CMYA5: variants seen among roughly 807,000 people sequenced by gnomAD.
The protein encoded by CMYA5 is cardiomyopathy-associated protein 5.
In CMYA5, 246 loss-of-function variants were observed where a neutral mutation model predicts 318.9. That is an observed-to-expected ratio of 0.77 (90% CI 0.70 to 0.86). CMYA5 has a LOEUF of 0.86. CMYA5 is among the 40% of genes least tolerant of loss of function. The pLI is 0.00. For synonymous variants in CMYA5, 1,641 were observed against 1,729.5 expected (o/e 0.95, Z 1.27); for missense variants, 4,589 against 4,678.2 (o/e 0.98, Z 0.56).
At chr5:79,716,841 AT>A (rs1190385006) in intron 1 of CMYA5, among the ~76,000 whole-genome samples, 1 of 152,232 alleles carries the variant, frequency 6.6e-6, no homozygotes, top group African/African-American at 2.4e-5. Context: ...ATTTCAGATG[AT>A]TAAAATAAGG....
rs1320085393 is a variant in CMYA5, at chr5:79,732,249, G to A, written c.3484G>A (p.Glu1162Lys). Residue 1162 changes from glutamate to lysine, a missense_variant, in exon 2 of 13, where the codon GAA becomes AAA. Transcript: ENST00000446378. ...ALPAQSSIVK[E>K]ETKPASPHSV... ...ACCTGCACAATCATCTATAGTAAAG[G>A]AAGAAACCAAACCTGCATCTCCACA... is the stretch of plus-strand genomic sequence containing the variant. 1.2e-6 allele frequency: 2 copies of A among 1,613,884 alleles called. No individual in the cohort carries two copies. Among genetic ancestry groups the A allele is most frequent in the Non-Finnish European group, 1.7e-6 (2 of 1,179,868 alleles).
Position 79,749,123 on chromosome 5 carries a change from T to A in CMYA5, c.10991+2010T>A, listed in dbSNP as rs1482686892. Among the ~76,000 whole-genome samples, 4 of 152,270 alleles carry A rather than the reference T, an allele frequency of 2.6e-5. No homozygotes were observed. The East Asian group carries it at 7.7e-4, about 29-fold the overall frequency. On this transcript the variant is annotated intron_variant, in intron 5 of 12. Transcript: ENST00000446378. The stretch of plus-strand genomic sequence containing the variant: ...TCTGTGTGTCATTTTAATTAATTTC[T>A]ATTTCATTGTCCAGTTGACAGTGAA...
At chr5:79,753,932 CT>C (rs1450490100) in intron 6 of CMYA5, among the ~76,000 whole-genome samples, 4 of 152,162 alleles carry the variant, frequency 2.6e-5, no homozygotes, top group Non-Finnish European at 5.9e-5. Context: ...TGGTCTTTTG[CT>C]TTTAAGGGAT....
chr5:79,767,398 G>A (rs1367487571), intron 9 of CMYA5, among the ~76,000 whole-genome samples: 2 of 152,094 alleles, frequency 1.3e-5, no homozygotes, highest in Non-Finnish European at 2.9e-5. Flanking sequence ...TGATGTTAGG[G>A]TGTCAATTTT....
chr5:79,739,384 C>G lies in CMYA5; in HGVS notation c.10619C>G (p.Thr3540Arg). The change falls in exon 2 of 13, where the codon ACA (threonine) becomes AGA (arginine). Residue 3540 changes from threonine (T) to arginine (R), a missense_variant. Thr to Arg is a moderately conservative substitution (Grantham distance 71). Coordinates refer to ENST00000446378, the MANE Select transcript of CMYA5 (RefSeq NM_153610.5). The stretch of plus-strand genomic sequence containing the variant: ...GACCATGAAGTTTCAACGCTTGACA[C>G]AGCTATAAGTGCTGTAAAGGTAAAT... ...HKDHEVSTLDTAISAVKVQLA... is the reference protein window; with the variant it reads ...HKDHEVSTLDRAISAVKVQLA... 1.3e-6 allele frequency: 2 copies of G among 1,545,664 alleles called. No individual in the cohort carries two copies. The highest frequency in any genetic ancestry group is 1.2e-5 in the South Asian group (1 of 82,618).
intron 2 of CMYA5, 43 bp downstream of exon 2, chr5:79,739,446 C>T (rs1376713379): frequency 3.9e-6 from 5 of 1,285,062 alleles, no homozygotes; most frequent in Non-Finnish European, 5.1e-6. Flanking sequence ...TATATATATA[C>T]ACATTTAATT....
intron 9 of CMYA5, among the ~76,000 whole-genome samples, chr5:79,765,229 C>T (rs1405117506): frequency 1.3e-5 from 2 of 152,122 alleles, no homozygotes; most frequent in African/African-American, 4.8e-5. Context: ...TTTCCAACAC[C>T]ATTTATTCAA....
intron 12 of CMYA5, 25 bp downstream of exon 12, chr5:79,793,635 C>T (rs1413259967): frequency 1.9e-6 from 3 of 1,575,966 alleles, no homozygotes; most frequent in African/African-American, 1.3e-5. Flanking sequence ...CCCCTCCCCT[C>T]TTCATCAAAA....
In CMYA5 at chr5:79,745,407, G is replaced by A. The variant is rs1204673745; in HGVS notation, c.10920G>A (p.Glu3640=). 2 of 1,613,994 alleles carry A rather than the reference G, an allele frequency of 1.2e-6. No individual in the cohort carries two copies. The highest frequency in any genetic ancestry group is 8.5e-7 in the Non-Finnish European group (1 of 1,179,874). Residue 3640 remains glutamate, a synonymous_variant, in exon 4 of 13, where the codon GAG becomes GAA. Transcript: ENST00000446378. The part of the protein sequence containing the change: ...QSMDTAKDTL[E]TIVREAEELD... ...TGGACACTGCCAAAGACACCCTGGA[G>A]ACCATCGTGAGAGAAGCAGAGGAGC... is the stretch of plus-strand genomic sequence containing the variant.
chr5:79,762,128 T>C, intron 8 of CMYA5, 171 bp downstream of exon 8: 1 of 637,004 alleles, frequency 1.6e-6, no homozygotes, highest in Non-Finnish European at 2.5e-6. Context: ...AAGAAGCTCA[T>C]GCTCAGGTGG....
intron 1 of CMYA5, among the ~76,000 whole-genome samples, chr5:79,703,766 T>C (rs1280274479): frequency 5.3e-5 from 8 of 152,204 alleles, no homozygotes; most frequent in Non-Finnish European, 1.2e-4. Context: ...TTTTGATCTT[T>C]TCTTGAAAAT....
chr5:79,769,494 C>G (rs1828816668), intron 9 of CMYA5, among the ~76,000 whole-genome samples: 1 of 152,022 alleles, frequency 6.6e-6, no homozygotes, highest in Non-Finnish European at 1.5e-5. Flanking sequence ...TGTGGACGTC[C>G]TTTTTGTTGA....
Position 79,717,884 on chromosome 5 carries a change from A to ATTTTTTTT in CMYA5, c.150-11016_150-11009dup, listed in dbSNP as rs1282948127. 8.7e-5 allele frequency among the ~76,000 whole-genome samples: 8 copies of ATTTTTTTT among 91,754 alleles called. 2 individuals carry two copies. The highest frequency in any genetic ancestry group is 5.1e-4 in the African/African-American group (8 of 15,734). The allele number at this position is 91,754 out of a possible 152,430, so 60.2% of individuals were successfully genotyped here. A position where few individuals can be genotyped will look rare whatever the true frequency, so the allele number is the denominator to read the frequency against. Reference sequence around the variant, plus strand: ...ATAAAAGTTCCTTTTAACCTAAGCTATTTTTTTTTTTTTTTTTTTTTTGAG... The same window carrying ATTTTTTTT: ...ATAAAAGTTCCTTTTAACCTAAGCTATTTTTTTTTTTTTTTTTTTTTTTTTTTTTTGAG... On this transcript the variant is annotated intron_variant, in intron 1 of 12. Transcript: ENST00000446378.
Position 79,689,919 on chromosome 5 carries a change from C to T in CMYA5, c.12C>T (p.Arg4=), listed in dbSNP as rs1404196334. 3.4e-6 allele frequency: 3 copies of T among 882,030 alleles called. No individual in the cohort carries two copies. Among genetic ancestry groups the T allele is most frequent in the Non-Finnish European group, 3.7e-6 (2 of 543,388 alleles). 54.6% of individuals were successfully genotyped at this position (882,030 alleles called of 1,614,324 possible). The part of the protein sequence containing the change: MAS[R]DSNHAGESFL... ...GCCCGGGAGAGGCGATGGCGAGCCG[C>T]GATAGCAACCACGCTGGCGAGAGCT... Residue 4 remains arginine, a synonymous_variant, in exon 1 of 13, where the codon CGC becomes CGT. Transcript: ENST00000446378.
chr5:79,723,284 C>G (rs1182335873), intron 1 of CMYA5, among the ~76,000 whole-genome samples: 1 of 151,584 alleles, frequency 6.6e-6, no homozygotes, highest in Non-Finnish European at 1.5e-5. Context: ...ACTAAAAATA[C>G]AAAAATTAGC....
At position 79,799,871 on chromosome 5, in the gene CMYA5, A is replaced by C; in HGVS notation, c.*255A>C. On this transcript the variant is annotated 3_prime_UTR_variant, in exon 13 of 13. Transcript: ENST00000446378. ...ATAAGTTTGAGTTCTTTCCTAAATT[A>C]AAAGATCTACACTTGAGTTGGGAAC... The C allele has an allele frequency of 2.1e-5, 4 of 186,846 alleles. No individual in the cohort carries two copies. The highest frequency in any genetic ancestry group is 1.3e-4 in the South Asian group (1 of 7,604). The allele number at this position is 186,846 out of a possible 1,614,324, so 11.6% of individuals were successfully genotyped here.
intron 5 of CMYA5, among the ~76,000 whole-genome samples, chr5:79,748,520 C>CTATCTACCTAT (rs1561218115): frequency 6.7e-6 from 1 of 149,082 alleles, no homozygotes; most frequent in Non-Finnish European, 1.5e-5. Context: ...TATCTATCTA[C>CTATCTACCTAT]CTATCTATCT....
chr5:79,734,212 A>T lies in CMYA5; in HGVS notation c.5447A>T (p.Asp1816Val). 1 of 1,613,750 alleles carries T rather than the reference A, an allele frequency of 6.2e-7. No homozygotes were observed. The highest frequency in any genetic ancestry group is 1.1e-5 in the South Asian group (1 of 91,062). Residue 1816 changes from aspartate (D) to valine (V), a missense_variant, in exon 2 of 13, where the codon GAC (aspartate) becomes GTC (valine). Physicochemically the swap from Asp to Val is radical, Grantham distance 152. Transcript: ENST00000446378. ...ITEPSKIAPS[D>V]LLVEQKKTEK... is the part of the protein sequence containing the mutation. ...GAACCATCAAAGATTGCTCCTTCTG[A>T]CCTCCTTGTAGAACAAAAAAAGACA...
chr5:79,715,810 C>A lies in CMYA5; in HGVS notation c.150-13105C>A, dbSNP rs539483485. 2.6e-5 allele frequency among the ~76,000 whole-genome samples: 4 copies of A among 152,296 alleles called. No homozygotes were observed. The East Asian group carries it at 5.8e-4, about 22-fold the overall frequency. ...CAAATTGTCAACCCTATTTTTCCAACTCATAGACATTTTTGCAGTAGATAT... is the reference window on the plus strand; with the variant it reads ...CAAATTGTCAACCCTATTTTTCCAAATCATAGACATTTTTGCAGTAGATAT... On this transcript the variant is annotated intron_variant, in intron 1 of 12. Coordinates refer to ENST00000446378, the MANE Select transcript of CMYA5 (RefSeq NM_153610.5).
Sources: allele counts gnomAD v4.1 joint callset (sites outside exome capture counted in the v4.1 genomes callset), GRCh38; gene constraint gnomAD v4.1.1; transcripts MANE v1.5; gene names NCBI Gene and HGNC (gene_info 2026-07-23, HGNC 2026-07-21).